Variants in CYP2U1 observed in about 807,000 individuals in gnomAD.
CYP2U1 encodes the protein cytochrome P450 2U1.
Under a neutral mutation model 42.8 loss-of-function variants are expected in CYP2U1, and 28 were observed. The observed-to-expected ratio is 0.65, with a 90% confidence interval of 0.48 to 0.90. The LOEUF is 0.90. Ranked by LOEUF, CYP2U1 falls within the 40% of genes least tolerant of loss-of-function variation. The probability of loss-of-function intolerance (pLI) is 0.00; values close to 1 mark genes in which losing one functional copy is unlikely to be tolerated. For missense variants in CYP2U1, 642 were observed against 693.8 expected (o/e 0.93, Z 0.84); for synonymous variants, 296 against 278.9 (o/e 1.06, Z -0.61).
At position 107,950,250 on chromosome 4, in the gene CYP2U1, C is replaced by T. The variant is rs141431913; in HGVS notation, c.1462C>T (p.Arg488Trp). Reference protein sequence around the residue: ...ETFIPFGIGKRVCMGEQLAKM... With the variant: ...ETFIPFGIGKWVCMGEQLAKM... The stretch of plus-strand genomic sequence containing the variant: ...TTTTCTGATCTCATTTTTAGGGAAG[C>T]GGGTGTGTATGGGAGAACAACTGGC... Residue 488 changes from arginine (R) to tryptophan (W), a missense_variant, in exon 5 of 5, where the codon CGG (arginine) becomes TGG (tryptophan). Coordinates refer to ENST00000332884, the MANE Select transcript of CYP2U1 (RefSeq NM_183075.3). 7.4e-5 allele frequency: 118 copies of T among 1,594,950 alleles called. No homozygotes were observed. Among genetic ancestry groups the T allele is most frequent in the Non-Finnish European group, 9.6e-5 (112 of 1,172,120 alleles).
intron 2 of CYP2U1, 34 bp from the exon 3 acceptor site, chr4:107,947,342 T>A: frequency 6.2e-7 from 1 of 1,608,208 alleles, no homozygotes; most frequent in Non-Finnish European, 8.5e-7. Flanking sequence ...TGTCCCATGC[T>A]TATCTTCTGG....
chr4:107,944,462 C>G (rs1006785234), intron 1 of CYP2U1, among the ~76,000 whole-genome samples: 7 of 149,304 alleles, frequency 4.7e-5, no homozygotes, highest in African/African-American at 1.7e-4. Context: ...TGCCACCACA[C>G]CCGGCTAATT....
At position 107,945,213 on chromosome 4, in the gene CYP2U1, A is replaced by G; in HGVS notation, c.734A>G (p.Asn245Ser). The G allele has an allele frequency of 1.9e-6, 3 of 1,614,128 alleles. No homozygotes were observed. Residue 245 changes from asparagine to serine, a missense_variant, in exon 2 of 5, where the codon AAT becomes AGT. Transcript: ENST00000332884. Reference sequence around the variant, plus strand: ...TTTGGCCAGCGCTTTGATTACACTAATAGTGAGTTCAAGAAAATGCTTGGT... The same window carrying G: ...TTTGGCCAGCGCTTTGATTACACTAGTAGTGAGTTCAAGAAAATGCTTGGT... Reference protein sequence around the residue: ...LCFGQRFDYTNSEFKKMLGFM... With the variant: ...LCFGQRFDYTSSEFKKMLGFM...
Position 107,933,877 on chromosome 4 carries a change from C to G in CYP2U1, c.490+1744C>G, listed in dbSNP as rs557072883. 3.7e-4 allele frequency among the ~76,000 whole-genome samples: 57 copies of G among 152,200 alleles called. 1 individual carries two copies. Among genetic ancestry groups the G allele is most frequent in the African/African-American group, 1.3e-3 (55 of 41,538 alleles). On this transcript the variant is annotated intron_variant, in intron 1 of 4. Transcript: ENST00000332884. Reference sequence around the variant, plus strand: ...TTCAGTACAGATGTGTTTTTTTGATCTGCGGTTGGTGGAACCAACAGATGT... The same window carrying G: ...TTCAGTACAGATGTGTTTTTTTGATGTGCGGTTGGTGGAACCAACAGATGT...
chr4:107,950,423 A>C lies in CYP2U1; in HGVS notation c.1635A>C (p.Ter545CysextTer18), dbSNP rs1194152680. 1 of 1,601,798 alleles carries C rather than the reference A, an allele frequency of 6.2e-7. No homozygotes were observed. Among genetic ancestry groups the C allele is most frequent in the South Asian group, 1.1e-5 (1 of 88,642 alleles). The change falls in exon 5 of 5, where the codon TGA becomes TGC. Residue 545 changes from the stop codon to cysteine (C), a stop_lost. Transcript: ENST00000332884. ...TTAATATAACTATTTCAAGGAGATG[A>C]AGAGCATCTCCAAGAAGAGATGGTA... ...HPFNITISRR* is the reference protein window; with the variant it reads ...HPFNITISRRC
chr4:107,937,678 T>C (rs1190547029), intron 1 of CYP2U1: 3 of 151,904 alleles, frequency 2.0e-5, no homozygotes, highest in African/African-American at 7.3e-5. Context: ...TGGCTAATTT[T>C]TTGTATTTTT....
chr4:107,934,217 A>G (rs1203820662), intron 1 of CYP2U1, among the ~76,000 whole-genome samples: 1 of 148,998 alleles, frequency 6.7e-6, no homozygotes, highest in Admixed American at 6.7e-5. Context: ...TTGGGCTTAA[A>G]TGTTACCTCT....
Position 107,950,544 on chromosome 4 carries a change from G to T in CYP2U1, c.*121G>T. On this transcript the variant is annotated 3_prime_UTR_variant, in exon 5 of 5. Transcript: ENST00000332884. ...CAGTGGATCCAAGCTGGGCTCAGAGGTCGGAAGGAGGGTAGAGCACACTGG... is the reference window on the plus strand; with the variant it reads ...CAGTGGATCCAAGCTGGGCTCAGAGTTCGGAAGGAGGGTAGAGCACACTGG... 1 of 1,086,758 alleles carries T rather than the reference G, an allele frequency of 9.2e-7. No homozygotes were observed. 67.3% of individuals were successfully genotyped at this position (1,086,758 alleles called of 1,614,324 possible). A position where few individuals can be genotyped will look rare whatever the true frequency, so the allele number is the denominator to read the frequency against.
At chr4:107,943,143 G>A (rs1483885350) in intron 1 of CYP2U1, among the ~76,000 whole-genome samples, 2 of 152,160 alleles carry the variant, frequency 1.3e-5, no homozygotes, top group Non-Finnish European at 2.9e-5. Context: ...AATAAAAATC[G>A]ATGAGATACG....
At chr4:107,948,724 G>T (rs959668055) in intron 3 of CYP2U1, among the ~76,000 whole-genome samples, 5 of 152,014 alleles carry the variant, frequency 3.3e-5, no homozygotes, top group Non-Finnish European at 7.4e-5. Flanking sequence ...TATTAACAAA[G>T]AATTTACCTC....
rs1481150579 is a variant in CYP2U1, at chr4:107,931,596, G to A, written c.-48G>A. ...CCGCGGGTCAGGCAGCTGCGTGCGC[G>A]TCTCCTCCAGGCAGCAAGGGGAACC... On this transcript the variant is annotated 5_prime_UTR_variant, in exon 1 of 5. Transcript: ENST00000332884. 1.6e-6 allele frequency: 2 copies of A among 1,237,402 alleles called. No homozygotes were observed. Among genetic ancestry groups the A allele is most frequent in the Non-Finnish European group, 2.0e-6 (2 of 992,172 alleles). 76.7% of individuals were successfully genotyped at this position (1,237,402 alleles called of 1,614,324 possible).
intron 3 of CYP2U1, among the ~76,000 whole-genome samples, chr4:107,947,942 T>C (rs1345039348): frequency 6.6e-6 from 1 of 152,178 alleles, no homozygotes; most frequent in Non-Finnish European, 1.5e-5. Context: ...TTACTTCAAC[T>C]TTTAAAATTC....
At chr4:107,939,149 T>C (rs10012561) in intron 1 of CYP2U1, 25,934 of 152,234 alleles carry the variant, frequency 0.17, 2,422 homozygotes, top group Non-Finnish European at 0.21. Flanking sequence ...TGACAGAGTG[T>C]GGCTCCGTCT....
At chr4:107,934,913 C>T (rs1358854118) in intron 1 of CYP2U1, among the ~76,000 whole-genome samples, 3 of 152,166 alleles carry the variant, frequency 2.0e-5, no homozygotes, top group Non-Finnish European at 4.4e-5. Flanking sequence ...TCTCAGTAAA[C>T]ACTGGCAAGT....
rs558373111 is a variant in CYP2U1, at chr4:107,950,644, T to C, written c.*221T>C. 7.4e-4 allele frequency: 305 copies of C among 411,162 alleles called. 1 individual carries two copies. Among genetic ancestry groups the C allele is most frequent in the African/African-American group, 5.7e-3 (281 of 49,468 alleles). 25.5% of individuals were successfully genotyped at this position (411,162 alleles called of 1,614,324 possible). ...TAATGCAGGTCTGTGATTTGGGGGA[T>C]AGAAAACAAAGTACCTATGAAACGG... On this transcript the variant is annotated 3_prime_UTR_variant, in exon 5 of 5. Transcript: ENST00000332884.
chr4:107,941,612 CTT>C (rs5860885), intron 1 of CYP2U1, among the ~76,000 whole-genome samples: 5 of 146,324 alleles, frequency 3.4e-5, no homozygotes, highest in Non-Finnish European at 3.0e-5. Context: ...AAAATAGAAA[CTT>C]TTTTTTTTTT....
intron 3 of CYP2U1, among the ~76,000 whole-genome samples, 178 bp from the exon 4 acceptor site, chr4:107,949,172 G>A (rs1578734553): frequency 6.6e-6 from 1 of 152,044 alleles, no homozygotes; most frequent in Non-Finnish European, 1.5e-5. Flanking sequence ...GGAATGGTGC[G>A]GGGAGAGGGA....
At chr4:107,932,949 C>T (rs1733091692) in intron 1 of CYP2U1, among the ~76,000 whole-genome samples, 1 of 152,180 alleles carries the variant, frequency 6.6e-6, no homozygotes, top group Non-Finnish European at 1.5e-5. Flanking sequence ...AACTTTATGA[C>T]CTTGGGCCTG....
chr4:107,950,595 A>G lies in CYP2U1; in HGVS notation c.*172A>G, dbSNP rs1223844684. Reference sequence around the variant, plus strand: ...GAGGTTTCATCTTGGAGGATTCCTCAGCAGGATACTTCAGCCATTTTAGTA... The same window carrying G: ...GAGGTTTCATCTTGGAGGATTCCTCGGCAGGATACTTCAGCCATTTTAGTA... On this transcript the variant is annotated 3_prime_UTR_variant, in exon 5 of 5. Transcript: ENST00000332884. The G allele has an allele frequency of 1.8e-6, 1 of 569,006 alleles. No individual in the cohort carries two copies. The highest frequency in any genetic ancestry group is 2.8e-6 in the Non-Finnish European group (1 of 352,450). 35.2% of individuals were successfully genotyped at this position (569,006 alleles called of 1,614,324 possible). A position where few individuals can be genotyped will look rare whatever the true frequency, so the allele number is the denominator to read the frequency against.
Sources: gnomAD v4.1 joint callset for allele counts (sites outside exome capture counted in the v4.1 genomes callset) on GRCh38, gnomAD v4.1.1 for gene constraint, MANE v1.5 for transcripts, NCBI Gene and HGNC (gene_info 2026-07-23, HGNC 2026-07-21) for gene names.